LIMA1: variants seen among roughly 807,000 people sequenced by gnomAD.
LIMA1 encodes the protein LIM domain and actin-binding protein 1.
LIMA1 carries 52 observed loss-of-function variants against 62.6 expected under a neutral mutation model. The observed-to-expected ratio is 0.83, with a 90% confidence interval of 0.67 to 1.05. LIMA1 has a LOEUF of 1.05. Among genes scored for constraint, LIMA1 ranks in the 50% least tolerant of loss-of-function variants. The pLI is 0.00. For synonymous variants in LIMA1, 302 were observed against 317.8 expected (o/e 0.95, Z 0.53); for missense variants, 780 against 902.2 (o/e 0.86, Z 1.74).
intron 6 of LIMA1, among the ~76,000 whole-genome samples, chr12:50,203,073 G>T (rs1056293868): frequency 6.9e-6 from 1 of 145,214 alleles, no homozygotes; most frequent in Non-Finnish European, 1.5e-5. Flanking sequence ...ACAGTGGTGT[G>T]ATCTCAGCTC....
At chr12:50,250,311 A>T (rs1348820469) in intron 1 of LIMA1, among the ~76,000 whole-genome samples, 2 of 151,058 alleles carry the variant, frequency 1.3e-5, no homozygotes, top group African/African-American at 4.9e-5. Flanking sequence ...AAAAAAAAAA[A>T]AAGGTCCTGG....
intron 8 of LIMA1, among the ~76,000 whole-genome samples, chr12:50,192,891 G>C (rs1216375661): frequency 3.9e-5 from 6 of 151,968 alleles, no homozygotes; most frequent in Non-Finnish European, 8.8e-5. Flanking sequence ...ATGTCTTTTT[G>C]GTCATTAACA....
chr12:50,263,748 A>C (rs1246639037), intron 1 of LIMA1, among the ~76,000 whole-genome samples: 1 of 150,572 alleles, frequency 6.6e-6, no homozygotes, highest in Non-Finnish European at 1.5e-5. Context: ...AAAAGATTAA[A>C]CACAGAGTTA....
chr12:50,243,315 C>T (rs1565856031), intron 2 of LIMA1, among the ~76,000 whole-genome samples: 1 of 152,182 alleles, frequency 6.6e-6, no homozygotes, highest in Non-Finnish European at 1.5e-5. Context: ...GATCAGAGAC[C>T]TCCTAAGTTT....
intron 4 of LIMA1, among the ~76,000 whole-genome samples, chr12:50,219,960 C>A (rs1022748299): frequency 6.6e-6 from 1 of 151,860 alleles, no homozygotes; most frequent in Non-Finnish European, 1.5e-5. Flanking sequence ...ATTCTCATTA[C>A]AGATGTAAGC....
chr12:50,236,300 CTTTT>C (rs112036543), intron 2 of LIMA1, among the ~76,000 whole-genome samples: 2 of 120,952 alleles, frequency 1.7e-5, no homozygotes, highest in Non-Finnish European at 1.7e-5. Context: ...ATTTTTTTTT[CTTTT>C]TTTTTTTTTT....
In LIMA1 at chr12:50,195,829, C is replaced by A. The variant is rs778142224; in HGVS notation, c.1030+1G>T. The A allele has an allele frequency of 6.4e-7, 1 of 1,574,628 alleles. No individual in the cohort carries two copies. The highest frequency in any genetic ancestry group is 1.9e-5 in the Admixed American group (1 of 53,858). ...CTCCAGATCTAAGAAAGAATGCTTACGGGAGTCATCTTCGGCAGGGGTGGA... is the reference window on the plus strand; with the variant it reads ...CTCCAGATCTAAGAAAGAATGCTTAAGGGAGTCATCTTCGGCAGGGGTGGA... On this transcript the variant is annotated splice_donor_variant, in intron 8 of 10. Transcript: ENST00000341247. LOFTEE classifies it high-confidence loss of function.
chr12:50,245,480 C>T (rs1941835508), intron 2 of LIMA1, among the ~76,000 whole-genome samples: 1 of 151,440 alleles, frequency 6.6e-6, no homozygotes, highest in Admixed American at 6.6e-5. Context: ...TCAGACAGGT[C>T]ACTGATGTGG....
intron 4 of LIMA1, 51 bp downstream of exon 4, chr12:50,221,970 G>A: frequency 4.7e-6 from 7 of 1,496,108 alleles, no homozygotes; most frequent in Non-Finnish European, 6.4e-6. Flanking sequence ...AAACAGCTTT[G>A]TTTAGTGCTT....
At chr12:50,263,358 GT>G (rs1277184401) in intron 1 of LIMA1, among the ~76,000 whole-genome samples, 1 of 152,120 alleles carries the variant, frequency 6.6e-6, no homozygotes, top group Non-Finnish European at 1.5e-5. Context: ...ACTTCTCTGG[GT>G]CCTCTTTCTT....
chr12:50,181,300 A>G (rs1940496470), intron 10 of LIMA1, among the ~76,000 whole-genome samples: 1 of 152,120 alleles, frequency 6.6e-6, no homozygotes, highest in Non-Finnish European at 1.5e-5. Context: ...GTATTTTAGG[A>G]AGGATTGCTC....
rs757724888 is a variant in LIMA1, at chr12:50,177,402, C to T, written c.1942G>A (p.Val648Met). 2 of 1,614,216 alleles carry T rather than the reference C, an allele frequency of 1.2e-6. No individual in the cohort carries two copies. Among genetic ancestry groups the T allele is most frequent in the African/African-American group, 1.3e-5 (1 of 75,062 alleles). ...NAKASKKNGN[V>M]GKTTWQNKES... ...TTGTTTTGCCAGGTTGTTTTTCCCA[C>T]ATTCCCATTCTTCTTAGAAGCCTTG... The change falls in exon 11 of 11, where the codon GTG becomes ATG. Residue 648 changes from valine (V) to methionine (M), a missense_variant. Physicochemically the swap from Val to Met is conservative, Grantham distance 21. Transcript: ENST00000341247.
chr12:50,232,172 G>T (rs941431679), intron 2 of LIMA1, among the ~76,000 whole-genome samples: 1 of 146,622 alleles, frequency 6.8e-6, no homozygotes, highest in African/African-American at 2.5e-5. Context: ...CAAACCTCCT[G>T]TCTCAGCCTC....
At chr12:50,201,077 C>G in intron 6 of LIMA1, 193 bp from the exon 7 acceptor site, 1 of 1,381,596 alleles carries the variant, frequency 7.2e-7, no homozygotes, top group Non-Finnish European at 9.3e-7. Context: ...TGGACACATA[C>G]CTCAGAGTTA....
intron 4 of LIMA1, among the ~76,000 whole-genome samples, chr12:50,214,679 G>A (rs974428300): frequency 2.6e-5 from 4 of 152,198 alleles, no homozygotes; most frequent in Non-Finnish European, 4.4e-5. Flanking sequence ...GGTGGCATGC[G>A]CCTGTAATCT....
At chr12:50,262,423 C>T (rs1316562963) in intron 1 of LIMA1, among the ~76,000 whole-genome samples, 5 of 151,962 alleles carry the variant, frequency 3.3e-5, no homozygotes, top group South Asian at 2.1e-4. Context: ...ATAAGAAGAA[C>T]GTTGAAGCAA....
rs562536102 is a variant in LIMA1, at chr12:50,218,453, G to A, written c.630+3568C>T. ...ATCCACATTCTGCAAGACAGTTCAA[G>A]AAAAAAGGCAAAGTAGCCGTCTACC... On this transcript the variant is annotated intron_variant, in intron 4 of 10. Transcript: ENST00000341247. 5 of 152,286 alleles carry A rather than the reference G, an allele frequency of 3.3e-5. No homozygotes were observed. The East Asian group carries it at 9.6e-4, about 29-fold the overall frequency. The allele number at this position is 152,286 out of a possible 1,614,324, so 9.4% of individuals were successfully genotyped here.
intron 4 of LIMA1, among the ~76,000 whole-genome samples, chr12:50,214,027 C>A (rs1263929701): frequency 6.8e-6 from 1 of 146,848 alleles, no homozygotes; most frequent in Non-Finnish European, 1.5e-5. Flanking sequence ...TATCTTACCA[C>A]ACACACACAC....
In LIMA1 at chr12:50,177,811, C is replaced by T; in HGVS notation, c.1533G>A (p.Lys511=). The part of the protein sequence containing the change: ...VGVLAASMEA[K]ASSQQEKEDK... ...CTTCCTTCTCCTGCTGAGAGGAGGC[C>T]TTGGCTTCCATACTTGCAGCCAGGA... The change falls in exon 11 of 11, where the codon AAG becomes AAA. Residue 511 remains lysine, a synonymous_variant. Transcript: ENST00000341247. 1 of 1,613,850 alleles carries T rather than the reference C, an allele frequency of 6.2e-7. No homozygotes were observed. Among genetic ancestry groups the T allele is most frequent in the South Asian group, 1.1e-5 (1 of 91,040 alleles).
Sources: allele counts gnomAD v4.1 joint callset (sites outside exome capture counted in the v4.1 genomes callset), GRCh38; gene constraint gnomAD v4.1.1; transcripts MANE v1.5; gene names NCBI Gene and HGNC (gene_info 2026-07-23, HGNC 2026-07-21).